TKTL1: variants seen among roughly 807,000 people sequenced by gnomAD.
TKTL1 encodes transketolase-like protein 1.
A neutral mutation model predicts 39.3 loss-of-function variants in TKTL1; 1 was observed. That is an observed-to-expected ratio of 0.03 (90% confidence interval 0.01 to 0.12). TKTL1 has a LOEUF of 0.12. Among genes scored for constraint, TKTL1 ranks in the 10% least tolerant of loss-of-function variants. TKTL1 has a pLI of 1.00. For missense variants in TKTL1, 575 were observed against 509.6 expected, an observed-to-expected ratio of 1.13 and a Z score of -1.24; for synonymous variants, 262 against 193.8, an observed-to-expected ratio of 1.35 and a Z score of -2.92.
chrX:154,311,633 TGGGGAAGA>T (rs782300583), intron 5 of TKTL1, among the ~76,000 whole-genome samples: 33 of 111,324 alleles, frequency 3.0e-4, no homozygotes, highest in Non-Finnish European at 5.3e-4. Flanking sequence ...CCCTGGGAAT[TGGGGAAGA>T]CGGGAGCTTG....
rs1603355030 is a variant in TKTL1 at position 154,325,206 on chromosome X, A to C, written c.1318-133A>C. On this transcript the variant is annotated intron_variant, in intron 9 of 12. Transcript: ENST00000369915. ...TGTCGTCCACTGGTTGTAGATGCTC[A>C]CCCCTTTCTCCAAAGCCTGTGTTTT... 10 of 608,757 alleles carry C rather than the reference A, an allele frequency of 1.6e-5. No homozygotes were observed. The Admixed American group carries it at 2.5e-4, about 15-fold the overall frequency. 50.2% of individuals were successfully genotyped at this position (608,757 alleles called of 1,213,427 possible). A position where few individuals can be genotyped will look rare whatever the true frequency, so the allele number is the denominator to read the frequency against.
intron 1 of TKTL1, among the ~76,000 whole-genome samples, chrX:154,299,675 A>C (rs2067258012): frequency 9.0e-6 from 1 of 110,927 alleles, no homozygotes; most frequent in African/African-American, 3.3e-5. Context: ...ACTTAGCTCC[A>C]CTTACAAGTG....
intron 10 of TKTL1, among the ~76,000 whole-genome samples, chrX:154,326,058 C>A (rs766420): frequency 9.0e-6 from 1 of 111,238 alleles, no homozygotes; most frequent in African/African-American, 3.3e-5. Flanking sequence ...TTTTACAGAT[C>A]TAAGGCCAGG....
At chrX:154,327,343 T>G (rs367652617) in intron 10 of TKTL1, 4 of 536,626 alleles carry the variant, frequency 7.5e-6, no homozygotes, top group Non-Finnish European at 1.4e-5. Flanking sequence ...CATGCCATAG[T>G]GAGCTCTCAA....
chrX:154,297,563 T>C (rs2067240549), intron 1 of TKTL1, among the ~76,000 whole-genome samples: 1 of 111,586 alleles, frequency 9.0e-6, no homozygotes, highest in Non-Finnish European at 1.9e-5. Flanking sequence ...GCCTGGTCTA[T>C]AGTTTTGTTG....
rs912827162 is a variant in TKTL1, at chrX:154,328,854, G to T, written c.1619-662G>T. ...ATGACAGGGAAAGGGTGCAGGGGGG[G>T]ATCCACCAGGGCAGGAACCATGGGC... is the stretch of plus-strand genomic sequence containing the variant. On this transcript the variant is annotated intron_variant, in intron 12 of 12. Transcript: ENST00000369915. Among the ~76,000 whole-genome samples the T allele has an allele frequency of 1.3e-4, 14 of 111,681 alleles. No individual in the cohort carries two copies. In the South Asian group the frequency reaches 1.8e-3, roughly 15 times the overall value.
chrX:154,296,471 C>T (rs1022949257), intron 1 of TKTL1, among the ~76,000 whole-genome samples: 1 of 110,883 alleles, frequency 9.0e-6, no homozygotes, highest in African/African-American at 3.3e-5. Flanking sequence ...AAATTCCAGC[C>T]TGGGCAACAT....
At chrX:154,322,213 CAG>C (rs1297113198) in intron 8 of TKTL1, among the ~76,000 whole-genome samples, 4 of 79,641 alleles carry the variant, frequency 5.0e-5, no homozygotes, top group Non-Finnish European at 9.1e-5. Flanking sequence ...AGCCTGGCGA[CAG>C]AGAGAGGCTT....
rs782257336 is a variant in TKTL1, at chrX:154,327,584, A to G, written c.1402-7A>G. ...CACGGCATTCTGTTTTGCTGGCACT[A>G]TACCAGGTCCTCCGCCACTGTGTCA... On this transcript the variant is annotated splice_polypyrimidine_tract_variant and splice_region_variant and intron_variant, in intron 10 of 12. Coordinates refer to ENST00000369915, the MANE Select transcript of TKTL1 (RefSeq NM_012253.4). 2 of 1,204,118 alleles carry G rather than the reference A, an allele frequency of 1.7e-6. No individual in the cohort carries two copies. Among genetic ancestry groups the G allele is most frequent in the African/African-American group, 1.8e-5 (1 of 56,976 alleles).
intron 12 of TKTL1, among the ~76,000 whole-genome samples, chrX:154,328,829 A>T (rs919896082): frequency 9.0e-6 from 1 of 110,959 alleles, no homozygotes; most frequent in Admixed American, 9.5e-5. Flanking sequence ...CCTGAGGTTG[A>T]TGACAGGGAA....
rs782190728 is a variant in TKTL1, at chrX:154,308,980, C to T, written c.253-365C>T. 3.1e-4 allele frequency among the ~76,000 whole-genome samples: 34 copies of T among 110,908 alleles called. 1 individual carries two copies. In the South Asian group the frequency reaches 4.2e-3, roughly 14 times the overall value. ...GGAAAATGTCAAGAATCATACTTTACGTTTTCTGCTTTGTACTTGGGCTCC... is the reference window on the plus strand; with the variant it reads ...GGAAAATGTCAAGAATCATACTTTATGTTTTCTGCTTTGTACTTGGGCTCC... On this transcript the variant is annotated intron_variant, in intron 2 of 12. Transcript: ENST00000369915.
chrX:154,311,673 C>T lies in TKTL1; in HGVS notation c.670+435C>T, dbSNP rs189052058. ...CTTGGAATCACCAACTATCACATTT[C>T]AAGGCTGACAGCTGAAATTGTTTAT... On this transcript the variant is annotated intron_variant, in intron 5 of 12. Coordinates refer to ENST00000369915, the MANE Select transcript of TKTL1 (RefSeq NM_012253.4). 4.5e-3 allele frequency among the ~76,000 whole-genome samples: 502 copies of T among 111,893 alleles called. 1 individual carries two copies. Among genetic ancestry groups the T allele is most frequent in the African/African-American group, 0.016 (480 of 30,779 alleles).
At chrX:154,318,469 G>A (rs1557169861) in intron 7 of TKTL1, among the ~76,000 whole-genome samples, 1 of 107,298 alleles carries the variant, frequency 9.3e-6, no homozygotes, top group Non-Finnish European at 1.9e-5. Flanking sequence ...GGAGGCCGAG[G>A]CGGACGGATC....
At chrX:154,324,165 G>A (rs1603354876) in intron 9 of TKTL1, among the ~76,000 whole-genome samples, 1 of 108,794 alleles carries the variant, frequency 9.2e-6, no homozygotes, top group African/African-American at 3.4e-5. Flanking sequence ...TTTTTCTTTG[G>A]AGACAGAGTC....
intron 7 of TKTL1, among the ~76,000 whole-genome samples, chrX:154,316,625 C>T (rs2067402204): frequency 9.0e-6 from 1 of 111,548 alleles, no homozygotes; most frequent in Non-Finnish European, 1.9e-5. Context: ...GGAAGAACTA[C>T]TACCATAGGG....
chrX:154,328,970 G>A (rs2067516397), intron 12 of TKTL1, among the ~76,000 whole-genome samples: 2 of 112,502 alleles, frequency 1.8e-5, no homozygotes, highest in Admixed American at 9.4e-5. Context: ...CTGTGTTCCT[G>A]CCTAAGGGAT....
At chrX:154,320,720 C>T (rs1188257901) in intron 7 of TKTL1, 37 bp from the exon 8 acceptor site, 1 of 1,200,811 alleles carries the variant, frequency 8.3e-7, no homozygotes, top group Non-Finnish European at 1.1e-6. Flanking sequence ...GGGGGCAATG[C>T]CCAGGGATGT....
chrX:154,317,454 G>A (rs1454488129), intron 7 of TKTL1, among the ~76,000 whole-genome samples: 1 of 112,136 alleles, frequency 8.9e-6, no homozygotes, highest in Non-Finnish European at 1.9e-5. Flanking sequence ...TGTTTGGAGA[G>A]CAGAGGAAGG....
At chrX:154,325,521 C>T in intron 10 of TKTL1, 99 bp downstream of exon 10, 6 of 738,487 alleles carry the variant, frequency 8.1e-6, no homozygotes, top group Non-Finnish European at 1.2e-5. Context: ...AGACATCATC[C>T]TTTCTTTGCT....
Sources: gnomAD v4.1 joint callset for allele counts (sites outside exome capture counted in the v4.1 genomes callset) on GRCh38, gnomAD v4.1.1 for gene constraint, MANE v1.5 for transcripts, NCBI Gene and HGNC (gene_info 2026-07-23, HGNC 2026-07-21) for gene names.